MYO16: variants seen among roughly 807,000 people sequenced by gnomAD.
The protein encoded by MYO16 is unconventional myosin-XVI.
A neutral mutation model predicts 205.3 loss-of-function variants in MYO16; 94 were observed. The observed-to-expected ratio is 0.46, with a 90% CI of 0.39 to 0.54. MYO16 has a LOEUF of 0.54. Among genes scored for constraint, MYO16 ranks in the 20% least tolerant of loss-of-function variants. The pLI is 0.00. For missense variants in MYO16, 2,315 were observed against 2,387.5 expected, an observed-to-expected ratio of 0.97 and a Z score of 0.63; for synonymous variants, 988 against 954.0, an observed-to-expected ratio of 1.04 and a Z score of -0.66.
intron 27 of MYO16, among the ~76,000 whole-genome samples, chr13:109,062,534 T>A (rs1271134996): frequency 2.0e-5 from 3 of 152,178 alleles, no homozygotes; most frequent in African/African-American, 7.2e-5. Flanking sequence ...TATCTTTATC[T>A]GTAATGGCAT....
the MYO16 span, among the ~76,000 whole-genome samples, chr13:108,589,789 C>T: frequency 7.2e-5 from 11 of 152,202 alleles, no homozygotes; most frequent in East Asian, 2.1e-3. Flanking sequence ...AATTGTGTGT[C>T]TGGAAAATTG....
At chr13:108,764,918 T>A (rs1885729516) in intron 4 of MYO16, among the ~76,000 whole-genome samples, 1 of 152,222 alleles carries the variant, frequency 6.6e-6, no homozygotes, top group Admixed American at 6.5e-5. Context: ...ACTTTCATCT[T>A]GTTTCACAGT....
chr13:108,986,078 C>T (rs1884621981), intron 20 of MYO16, among the ~76,000 whole-genome samples: 1 of 152,100 alleles, frequency 6.6e-6, no homozygotes. Context: ...GCAAAAGGAA[C>T]CACCTTTTAT....
chr13:108,855,470 G>A lies in MYO16; in HGVS notation c.1276G>A (p.Asp426Asn), dbSNP rs779048736. 1.9e-6 allele frequency: 3 copies of A among 1,593,896 alleles called. No homozygotes were observed. Among genetic ancestry groups the A allele is most frequent in the South Asian group, 1.1e-5 (1 of 89,372 alleles). Residue 426 changes from aspartate to asparagine, a missense_variant, in exon 11 of 35, where the codon GAT becomes AAT. Around this residue, in one of 3 missense-constraint regions of MYO16, gnomAD observed 1,213 missense variants for 1,274.4 expected, o/e 0.95. Transcript: ENST00000457511. ...QVKLMPPAPN[D>N]DLATLSELND... is the part of the protein sequence containing the mutation. Reference sequence around the variant, plus strand: ...CAAGCTAATGCCTCCTGCCCCAAACGATGACCTGGCAACGCTCAGCGAGCT... The same window carrying A: ...CAAGCTAATGCCTCCTGCCCCAAACAATGACCTGGCAACGCTCAGCGAGCT...
intron 4 of MYO16, among the ~76,000 whole-genome samples, chr13:108,736,401 A>G (rs1351315902): frequency 1.3e-5 from 2 of 152,148 alleles, no homozygotes; most frequent in Non-Finnish European, 2.9e-5. Context: ...TAAATAGGGA[A>G]TCCTTTCCCC....
intron 2 of MYO16, among the ~76,000 whole-genome samples, chr13:108,712,325 C>T (rs1883753729): frequency 6.6e-6 from 1 of 152,150 alleles, no homozygotes; most frequent in African/African-American, 2.4e-5. Context: ...CCCGTGTGAA[C>T]CTAGTGAAGT....
chr13:109,103,580 C>T (rs1389282291), intron 28 of MYO16, among the ~76,000 whole-genome samples: 15 of 152,260 alleles, frequency 9.9e-5, no homozygotes, highest in Admixed American at 3.9e-4. Context: ...ATAGTAATTT[C>T]GTTGTCATTC....
the MYO16 span, among the ~76,000 whole-genome samples, chr13:108,506,004 T>C: frequency 2.6e-5 from 4 of 152,186 alleles, no homozygotes; most frequent in African/African-American, 9.6e-5. Context: ...CTCTCTATTC[T>C]CTTCCATTGG....
At chr13:109,112,722 T>G (rs1360448089) in intron 28 of MYO16, among the ~76,000 whole-genome samples, 1 of 152,098 alleles carries the variant, frequency 6.6e-6, no homozygotes. Flanking sequence ...GCCATTGCAC[T>G]CCAGCCTGGG....
At chr13:108,832,543 T>C (rs1876678462) in intron 9 of MYO16, among the ~76,000 whole-genome samples, 1 of 152,122 alleles carries the variant, frequency 6.6e-6, no homozygotes. Flanking sequence ...GTCTGGTTTC[T>C]GCTTGTTTCC....
chr13:109,148,777 G>T (rs1446974501), intron 32 of MYO16, among the ~76,000 whole-genome samples: 1 of 152,202 alleles, frequency 6.6e-6, no homozygotes, highest in African/African-American at 2.4e-5. Context: ...GCCAGAAGAA[G>T]AAAGAGGTAA....
intron 34 of MYO16, among the ~76,000 whole-genome samples, chr13:109,182,071 G>A (rs1879481014): frequency 6.6e-6 from 1 of 152,096 alleles, no homozygotes; most frequent in South Asian, 2.1e-4. Flanking sequence ...GTCCGCCTCG[G>A]CCTCCCAAAG....
chr13:109,051,307 C>A (rs9559478), intron 24 of MYO16, among the ~76,000 whole-genome samples: 54,399 of 151,858 alleles, frequency 0.36, 10,672 homozygotes, highest in East Asian at 0.83. Context: ...TTATGTCACC[C>A]GCATTTTGCA....
chr13:108,574,381 C>A, the MYO16 span, among the ~76,000 whole-genome samples: 1 of 152,106 alleles, frequency 6.6e-6, no homozygotes, highest in East Asian at 1.9e-4. Flanking sequence ...TTGCAAGAGA[C>A]AAGCATAACT....
chr13:109,181,724 A>G lies in MYO16; in HGVS notation c.5415+2091A>G, dbSNP rs971961166. ...CACAGTTTGAATGGAAATCAAGATC[A>G]TATGTTCCGTTTCTGAGAATGAACT... On this transcript the variant is annotated intron_variant, in intron 34 of 34. Coordinates refer to ENST00000457511, the MANE Select transcript of MYO16 (RefSeq NM_001198950.3). Among the ~76,000 whole-genome samples the G allele has an allele frequency of 4.0e-5, 6 of 151,658 alleles. No individual in the cohort carries two copies. The East Asian group carries it at 7.7e-4, about 19-fold the overall frequency.
intron 6 of MYO16, among the ~76,000 whole-genome samples, chr13:108,796,931 AAAATTAAAATT>A (rs935631392): frequency 1.9e-5 from 1 of 53,938 alleles, no homozygotes; most frequent in African/African-American, 8.3e-5. Context: ...TAAAAAAATT[AAAATTAAAATT>A]AAAATTAAAA....
chr13:108,707,666 G>A (rs962317507), intron 2 of MYO16, among the ~76,000 whole-genome samples: 3 of 152,156 alleles, frequency 2.0e-5, no homozygotes. Flanking sequence ...CAAATTAATG[G>A]GAAAGGATCT....
At chr13:109,035,810 C>T (rs1886697494) in intron 23 of MYO16, among the ~76,000 whole-genome samples, 1 of 152,192 alleles carries the variant, frequency 6.6e-6, no homozygotes, top group African/African-American at 2.4e-5. Flanking sequence ...ATCCTAAGCT[C>T]CTAGTAGCTG....
chr13:108,679,711 CAA>C (rs5806751), intron 2 of MYO16, among the ~76,000 whole-genome samples: 2 of 136,098 alleles, frequency 1.5e-5, no homozygotes, highest in African/African-American at 2.7e-5. Flanking sequence ...CTTGGTTCTG[CAA>C]AAAAAAAAAT....
Sources: allele counts gnomAD v4.1 joint callset (sites outside exome capture counted in the v4.1 genomes callset), GRCh38; gene constraint gnomAD v4.1.1; regional missense constraint gnomAD v4.1.1; transcripts MANE v1.5; gene names NCBI Gene and HGNC (gene_info 2026-07-23, HGNC 2026-07-21).